PRKN: variants seen among roughly 807,000 people sequenced by gnomAD.
The protein encoded by PRKN is parkin RBR E3 ubiquitin protein ligase.
Under a neutral mutation model 59.5 loss-of-function variants are expected in PRKN, and 56 were observed. The ratio of observed to expected loss-of-function variants is 0.94; its 90% CI spans 0.76 to 1.18. The LOEUF is 1.18. Among genes scored for constraint, PRKN ranks in the 50% most tolerant of loss-of-function variants. The probability of loss-of-function intolerance (pLI) is 0.00; values close to 1 mark genes in which losing one functional copy is unlikely to be tolerated. For synonymous variants in PRKN, 250 were observed against 222.1 expected (o/e 1.13, Z -1.12); for missense variants, 657 against 596.4 (o/e 1.10, Z -1.06).
At chr6:162,727,283 A>AGGGGCGAAGGTGAGGGGCGGCGGC in intron 1 of PRKN, 31,916 of 265,390 alleles carry the variant, frequency 0.12, 3,641 homozygotes, top group East Asian at 0.33. Context: ...CAGTGAGGTG[A>AGGGGCGAAGGTGAGGGGCGGCGGC]GGGGCGAAGG....
intron 6 of PRKN, among the ~76,000 whole-genome samples, chr6:161,851,417 G>A (rs543882547): frequency 8.5e-5 from 13 of 152,076 alleles, no homozygotes; most frequent in Admixed American, 7.2e-4. Flanking sequence ...AGAATAAGCC[G>A]ATTACTATAT....
intron 4 of PRKN, among the ~76,000 whole-genome samples, chr6:162,060,414 T>C (rs1336359739): frequency 6.6e-6 from 1 of 152,144 alleles, no homozygotes; most frequent in East Asian, 1.9e-4. Flanking sequence ...TAGAAAAGCG[T>C]GAAGCAAATA....
Position 162,457,954 on chromosome 6 carries a change from T to C in PRKN, c.8-14481A>G, listed in dbSNP as rs1790960578. On this transcript the variant is annotated intron_variant, in intron 1 of 11. Coordinates refer to ENST00000366898, the MANE Select transcript of PRKN (RefSeq NM_004562.3). Reference sequence around the variant, plus strand: ...GGCCAACATGACAAAACCCCGTCTCTAATAAAAACACAAAAATTAGGCTGG... The same window carrying C: ...GGCCAACATGACAAAACCCCGTCTCCAATAAAAACACAAAAATTAGGCTGG... Among the ~76,000 whole-genome samples, 5 of 151,972 alleles carry C rather than the reference T, an allele frequency of 3.3e-5. No individual in the cohort carries two copies. The South Asian group carries it at 1.0e-3, about 32-fold the overall frequency.
intron 6 of PRKN, among the ~76,000 whole-genome samples, chr6:161,830,788 A>G (rs372781886): frequency 6.6e-6 from 1 of 152,114 alleles, no homozygotes; most frequent in East Asian, 1.9e-4. Context: ...ATTTTGTATG[A>G]TTTTTTAACT....
At chr6:162,595,802 C>A (rs1463608497) in intron 1 of PRKN, among the ~76,000 whole-genome samples, 2 of 152,104 alleles carry the variant, frequency 1.3e-5, no homozygotes, top group African/African-American at 4.8e-5. Flanking sequence ...AGTCTACTTA[C>A]TTTTAACAGG....
chr6:162,157,528 G>C (rs1782564711), intron 4 of PRKN, among the ~76,000 whole-genome samples: 2 of 152,232 alleles, frequency 1.3e-5, no homozygotes, highest in East Asian at 1.9e-4. Context: ...AATGCAACTG[G>C]TACTGCAAGA....
intron 3 of PRKN, among the ~76,000 whole-genome samples, chr6:162,240,199 A>G (rs1379942806): frequency 6.6e-6 from 1 of 152,216 alleles, no homozygotes; most frequent in Non-Finnish European, 1.5e-5. Flanking sequence ...GCAAATGAGG[A>G]GCCAGAGAAA....
intron 6 of PRKN, among the ~76,000 whole-genome samples, chr6:161,953,156 C>T (rs138832163): frequency 3.3e-5 from 5 of 152,188 alleles, no homozygotes; most frequent in Admixed American, 6.5e-5. Flanking sequence ...CTGTTGCCCA[C>T]GCTGGAGTGC....
At chr6:161,601,731 C>T (rs900232793) in intron 7 of PRKN, among the ~76,000 whole-genome samples, 8 of 151,894 alleles carry the variant, frequency 5.3e-5, no homozygotes, top group South Asian at 4.2e-4. Flanking sequence ...TACAGGCGCC[C>T]GCCACCACGC....
intron 10 of PRKN, among the ~76,000 whole-genome samples, chr6:161,382,111 C>CAAGAA (rs1786016707): frequency 2.2e-5 from 1 of 46,280 alleles, no homozygotes; most frequent in African/African-American, 6.8e-5. Flanking sequence ...GACTCCATCT[C>CAAGAA]AAAAAAAAAA....
intron 2 of PRKN, among the ~76,000 whole-genome samples, chr6:162,324,387 A>T (rs1783172999): frequency 6.6e-6 from 1 of 152,146 alleles, no homozygotes; most frequent in Non-Finnish European, 1.5e-5. Context: ...AAGACACTAA[A>T]ATTCACAAAC....
intron 1 of PRKN, among the ~76,000 whole-genome samples, chr6:162,588,934 T>G (rs1781188140): frequency 6.6e-6 from 1 of 152,128 alleles, no homozygotes; most frequent in Non-Finnish European, 1.5e-5. Context: ...GGGTGCGCAG[T>G]AAGTTGCAGC....
intron 6 of PRKN, among the ~76,000 whole-genome samples, chr6:161,875,645 A>C (rs1794706725): frequency 6.6e-6 from 1 of 152,104 alleles, no homozygotes; most frequent in Non-Finnish European, 1.5e-5. Context: ...CTGATGAGAG[A>C]CTAACATTTA....
intron 1 of PRKN, among the ~76,000 whole-genome samples, chr6:162,473,216 T>G (rs973163729): frequency 2.0e-5 from 3 of 152,200 alleles, no homozygotes; most frequent in African/African-American, 7.2e-5. Context: ...CAACTGGATA[T>G]TTCAAGTATG....
At chr6:161,944,044 A>AG in intron 6 of PRKN, among the ~76,000 whole-genome samples, 1 of 134,696 alleles carries the variant, frequency 7.4e-6, no homozygotes, top group African/African-American at 2.7e-5. Flanking sequence ...AGCCTGAGGG[A>AG]CCAGCCTGAG....
intron 3 of PRKN, among the ~76,000 whole-genome samples, chr6:162,247,244 A>G (rs1440578866): frequency 6.6e-6 from 1 of 152,200 alleles, no homozygotes; most frequent in Non-Finnish European, 1.5e-5. Flanking sequence ...CTGAGACTTA[A>G]ATAGAAGAAA....
chr6:162,414,138 A>G (rs763902889), intron 2 of PRKN, among the ~76,000 whole-genome samples: 1 of 151,952 alleles, frequency 6.6e-6, no homozygotes, highest in Non-Finnish European at 1.5e-5. Flanking sequence ...AGCTGAAATC[A>G]TGCCACTGCA....
At chr6:162,150,407 G>A (rs891427202) in intron 4 of PRKN, among the ~76,000 whole-genome samples, 3 of 152,158 alleles carry the variant, frequency 2.0e-5, no homozygotes, top group Non-Finnish European at 2.9e-5. Context: ...GATTTCTTGA[G>A]GGCAGAATCT....
Position 162,450,245 on chromosome 6 carries a change from CCT to C in PRKN, c.8-6774_8-6773del, listed in dbSNP as rs1032694029. On this transcript the variant is annotated intron_variant, in intron 1 of 11. Coordinates refer to ENST00000366898, the MANE Select transcript of PRKN (RefSeq NM_004562.3). ...ATAATGCCCCTGTGACAGTAAATCC[CCT>C]GTGAATGTAAACGCCCCTATGACTG... 2.9e-4 allele frequency among the ~76,000 whole-genome samples: 44 copies of C among 152,058 alleles called. 1 individual carries two copies. The highest frequency in any genetic ancestry group is 3.3e-4 in the Admixed American group (5 of 15,278).
Sources: gnomAD v4.1 joint callset for allele counts (sites outside exome capture counted in the v4.1 genomes callset) on GRCh38, gnomAD v4.1.1 for gene constraint, MANE v1.5 for transcripts, NCBI Gene and HGNC (gene_info 2026-07-23, HGNC 2026-07-21) for gene names.